Variants in ANO10 observed in about 807,000 individuals in gnomAD.
ANO10 encodes the protein anoctamin 10.
Under a neutral mutation model 74.7 loss-of-function variants are expected in ANO10, and 77 were observed. The observed-to-expected ratio is 1.03, with a 90% confidence interval of 0.86 to 1.25. The LOEUF is 1.25. Among genes scored for constraint, ANO10 ranks in the 50% most tolerant of loss-of-function variants. ANO10 has a pLI of 0.00. For missense variants in ANO10, 721 were observed against 778.1 expected, an observed-to-expected ratio of 0.93 and a Z score of 0.87; for synonymous variants, 279 against 284.9, an observed-to-expected ratio of 0.98 and a Z score of 0.21.
intron 1 of ANO10, chr3:43,638,929 A>T (rs1316228293): frequency 2.0e-5 from 3 of 152,222 alleles, no homozygotes; most frequent in African/African-American, 7.2e-5. Flanking sequence ...GGTTGTGGTC[A>T]AGATGTCACC....
At chr3:43,461,866 G>C (rs2075393096) in intron 11 of ANO10, among the ~76,000 whole-genome samples, 1 of 152,240 alleles carries the variant, frequency 6.6e-6, no homozygotes, top group African/African-American at 2.4e-5. Flanking sequence ...AGCAATTTTG[G>C]AACTGGGTAA....
chr3:43,515,814 T>C (rs2077687272), intron 11 of ANO10, among the ~76,000 whole-genome samples: 1 of 152,126 alleles, frequency 6.6e-6, no homozygotes, highest in Admixed American at 6.6e-5. Flanking sequence ...AACCATAAGC[T>C]GTAAATACCC....
At position 43,561,327 on chromosome 3, in the gene ANO10, T is replaced by C; in HGVS notation, c.1369A>G (p.Arg457Gly). The C allele has an allele frequency of 6.2e-7, 1 of 1,614,180 alleles. No individual in the cohort carries two copies. Among genetic ancestry groups the C allele is most frequent in the African/African-American group, 1.3e-5 (1 of 75,046 alleles). Residue 457 changes from arginine (R) to glycine (G), a missense_variant, in exon 9 of 13, where the codon AGG becomes GGG. By Grantham distance (125) the Arg-to-Gly change is moderately radical. Coordinates refer to ENST00000292246, the MANE Select transcript of ANO10 (RefSeq NM_018075.5). ...CTCTTCACCCGCACACCATGCTTCC[T>C]TTGGAGCCAATAAGGAAGAAAAGAT... is the stretch of plus-strand genomic sequence containing the variant. ...MESFLPYWLQRKHGVRVKRKV... is the reference protein window; with the variant it reads ...MESFLPYWLQGKHGVRVKRKV...
intron 11 of ANO10, among the ~76,000 whole-genome samples, chr3:43,530,937 T>C (rs528788428): frequency 6.6e-6 from 1 of 152,202 alleles, no homozygotes; most frequent in East Asian, 1.9e-4. Flanking sequence ...AGAGAGGATA[T>C]ACCTTCTCCT....
At chr3:43,675,738 T>C (rs1292646493) in intron 1 of ANO10, among the ~76,000 whole-genome samples, 1 of 151,850 alleles carries the variant, frequency 6.6e-6, no homozygotes, top group Non-Finnish European at 1.5e-5. Context: ...AAAAAAGCCA[T>C]CAGAATGGCT....
At chr3:43,466,369 C>CAAAAAAAAAAAAAAAAAA (rs36126977) in intron 11 of ANO10, among the ~76,000 whole-genome samples, 12 of 45,374 alleles carry the variant, frequency 2.6e-4, no homozygotes, top group Non-Finnish European at 3.9e-4. Flanking sequence ...GACTCCATCT[C>CAAAAAAAAAAAAAAAAAA]AAAAAAAAAA....
At chr3:43,368,723 G>A (rs1296122739) in intron 12 of ANO10, among the ~76,000 whole-genome samples, 1 of 137,760 alleles carries the variant, frequency 7.3e-6, no homozygotes, top group East Asian at 2.1e-4. Context: ...GTCTCACTTT[G>A]TTGCCCAGGC....
chr3:43,529,806 T>C (rs1241895524), intron 11 of ANO10, among the ~76,000 whole-genome samples: 1 of 152,092 alleles, frequency 6.6e-6, no homozygotes, highest in Non-Finnish European at 1.5e-5. Context: ...TATAAAACTA[T>C]AGAGGTATAA....
At chr3:43,404,382 G>A (rs2092537659) in intron 12 of ANO10, among the ~76,000 whole-genome samples, 1 of 152,158 alleles carries the variant, frequency 6.6e-6, no homozygotes, top group African/African-American at 2.4e-5. Flanking sequence ...AACATCCTCA[G>A]AGAGCTTAAG....
chr3:43,443,653 A>G (rs909208201), intron 11 of ANO10, among the ~76,000 whole-genome samples: 3 of 151,124 alleles, frequency 2.0e-5, no homozygotes, highest in African/African-American at 7.3e-5. Context: ...GTATGAAAGC[A>G]TGAAAAGTAT....
chr3:43,407,650 G>A (rs1575693380), intron 12 of ANO10, among the ~76,000 whole-genome samples: 1 of 152,216 alleles, frequency 6.6e-6, no homozygotes, highest in Non-Finnish European at 1.5e-5. Context: ...GAGAAGAAAC[G>A]CTCTGGTTGT....
intron 11 of ANO10, among the ~76,000 whole-genome samples, chr3:43,436,137 G>A (rs2093063235): frequency 6.6e-6 from 1 of 152,026 alleles, no homozygotes. Context: ...TTATAGCCTC[G>A]TGTTTCAAAA....
rs535516439 is a variant in ANO10 at position 43,680,451 on chromosome 3, T to C, written c.-12+11066A>G. 7.9e-5 allele frequency among the ~76,000 whole-genome samples: 12 copies of C among 152,254 alleles called. No homozygotes were observed. In the East Asian group the frequency reaches 1.9e-3, roughly 24 times the overall value. On this transcript the variant is annotated intron_variant, in intron 1 of 3. Transcript: ENST00000413397. ...ACTATGTGAAAAGACCAAATCTACG[T>C]CTGATTGCTGTACCTGAAAGTGACG...
rs1414566442 is a variant in ANO10 at position 43,576,709 on chromosome 3, T to A, written c.1145A>T (p.Glu382Val). 1 of 1,614,002 alleles carries A rather than the reference T, an allele frequency of 6.2e-7. No individual in the cohort carries two copies. The highest frequency in any genetic ancestry group is 8.5e-7 in the Non-Finnish European group (1 of 1,180,048). Residue 382 changes from glutamate (E) to valine (V), a missense_variant, in exon 6 of 13, where the codon GAG becomes GTG. Glu to Val is a moderately radical substitution (Grantham distance 121, BLOSUM62 -2). Coordinates refer to ENST00000292246, the MANE Select transcript of ANO10 (RefSeq NM_018075.5). Reference protein sequence around the residue: ...IMNRLYRYAAEFLTSWENHRL... With the variant: ...IMNRLYRYAAVFLTSWENHRL... ...AGTCTTACCCCATGAAGTTAAAAAC[T>A]CGGCAGCATATCGATAGAGACGATT...
intron 12 of ANO10, among the ~76,000 whole-genome samples, chr3:43,373,736 T>A (rs958473819): frequency 2.6e-5 from 4 of 152,164 alleles, no homozygotes; most frequent in African/African-American, 4.8e-5. Context: ...AGGAAGCTAG[T>A]CATGTCTGAT....
rs545872505 is a variant in ANO10, at chr3:43,375,296, A to G, written c.1915-8322T>C. ...CCCTGTCTCTACTAAAAATACAAAA[A>G]AAATAGACAGGCGTGGTGGCGGGCG... On this transcript the variant is annotated intron_variant, in intron 12 of 12. Coordinates refer to ENST00000292246, the MANE Select transcript of ANO10 (RefSeq NM_018075.5). Among the ~76,000 whole-genome samples the G allele has an allele frequency of 2.6e-5, 4 of 151,860 alleles. No homozygotes were observed. In the East Asian group the frequency reaches 7.8e-4, roughly 29 times the overall value.
chr3:43,566,792 A>G (rs566239608), intron 7 of ANO10, among the ~76,000 whole-genome samples: 1 of 152,378 alleles, frequency 6.6e-6, no homozygotes, highest in Admixed American at 6.5e-5. Context: ...TCCTCCTCCA[A>G]AGGAACGCAG....
intron 11 of ANO10, among the ~76,000 whole-genome samples, chr3:43,483,125 G>GAC (rs1393707534): frequency 2.0e-5 from 3 of 152,210 alleles, no homozygotes; most frequent in African/African-American, 7.2e-5. Context: ...GACATGGATG[G>GAC]ATGGTCAGCA....
At chr3:43,555,639 CCA>C (rs1328098040) in intron 9 of ANO10, among the ~76,000 whole-genome samples, 170 bp from the exon 10 acceptor site, 1 of 152,126 alleles carries the variant, frequency 6.6e-6, no homozygotes, top group African/African-American at 2.4e-5. Context: ...CATGATCATC[CCA>C]CACACATGCA....
Sources: gnomAD v4.1 joint callset for allele counts (sites outside exome capture counted in the v4.1 genomes callset) on GRCh38, gnomAD v4.1.1 for gene constraint, MANE v1.5 for transcripts, NCBI Gene and HGNC (gene_info 2026-07-23, HGNC 2026-07-21) for gene names.